The following PELP1 variants were observed in gnomAD, a reference collection of about 807,000 sequenced individuals.
PELP1 encodes proline-, glutamic acid- and leucine-rich protein 1.
PELP1 carries 32 observed loss-of-function variants against 95.5 expected under a neutral mutation model. The observed-to-expected ratio is 0.34, with a 90% CI of 0.25 to 0.45. The LOEUF (loss-of-function observed/expected upper bound fraction) is 0.45, where lower values mean the gene tolerates loss of function less well. PELP1 is among the 20% of genes least tolerant of loss of function. The pLI, the probability that PELP1 is intolerant of heterozygous loss-of-function variation, is 1.00. For synonymous variants in PELP1, 668 were observed against 600.1 expected (o/e 1.11, Z -1.65); for missense variants, 1,358 against 1,444.8 (o/e 0.94, Z 0.97).
At chr17:4,700,835 G>C (rs945396088) in intron 1 of PELP1, among the ~76,000 whole-genome samples, 1 of 151,226 alleles carries the variant, frequency 6.6e-6, no homozygotes, top group African/African-American at 2.4e-5. Context: ...TGAGGTGGAA[G>C]GATTACTTGA....
intron 5 of PELP1, among the ~76,000 whole-genome samples, chr17:4,678,512 T>G (rs1185922550): frequency 2.0e-5 from 3 of 152,208 alleles, no homozygotes; most frequent in Admixed American, 6.5e-5. Flanking sequence ...AACAGAAGTC[T>G]GCTTATGTGA....
chr17:4,676,882 G>A (rs908616443), intron 5 of PELP1, 70 bp from the exon 6 acceptor site: 24 of 1,176,580 alleles, frequency 2.0e-5, no homozygotes, highest in African/African-American at 1.1e-4. Flanking sequence ...CATCCCATCC[G>A]TTCCCAGCAG....
At chr17:4,688,288 C>T (rs938566936) in intron 3 of PELP1, among the ~76,000 whole-genome samples, 9 of 151,862 alleles carry the variant, frequency 5.9e-5, no homozygotes, top group African/African-American at 2.2e-4. Flanking sequence ...TGAGCCAAGT[C>T]TGTGCCACTG....
At chr17:4,691,631 G>C in intron 1 of PELP1, 189 bp from the exon 2 acceptor site, 1 of 597,602 alleles carries the variant, frequency 1.7e-6, no homozygotes, top group Non-Finnish European at 3.0e-6. Context: ...GCTGTTTCTC[G>C]GCCTTTCCTC....
intron 7 of PELP1, 69 bp from the exon 8 acceptor site, chr17:4,676,231 G>A (rs771284044): frequency 4.1e-5 from 66 of 1,593,516 alleles, no homozygotes; most frequent in Non-Finnish European, 5.1e-5. Flanking sequence ...TCTGGTGGAC[G>A]ACCTGCCTGT....
intron 3 of PELP1, among the ~76,000 whole-genome samples, chr17:4,690,414 A>G (rs185654653): frequency 4.4e-4 from 67 of 152,068 alleles, no homozygotes; most frequent in African/African-American, 9.2e-4. Flanking sequence ...GTTCCCCAAA[A>G]CTACTGAAAT....
intron 5 of PELP1, among the ~76,000 whole-genome samples, chr17:4,679,781 C>T (rs1912626181): frequency 6.6e-6 from 1 of 152,196 alleles, no homozygotes; most frequent in South Asian, 2.1e-4. Flanking sequence ...GCCCTGCCTA[C>T]CCAAAGATTC....
At position 4,676,576 on chromosome 17, in the gene PELP1, T is replaced by C; in HGVS notation, c.703-69A>G. On this transcript the variant is annotated intron_variant, in intron 6 of 16. Transcript: ENST00000572293. ...CCAGCCACAGAACCCCCAGCCCCAC[T>C]GACACCCAAAAGAGATGGAGATCAG... The C allele has an allele frequency of 6.4e-6, 10 of 1,572,748 alleles. No homozygotes were observed. The South Asian group carries it at 1.1e-4, about 18-fold the overall frequency.
intron 5 of PELP1, among the ~76,000 whole-genome samples, chr17:4,678,844 G>T (rs772766661): frequency 4.6e-5 from 7 of 152,066 alleles, no homozygotes; most frequent in Non-Finnish European, 8.8e-5. Flanking sequence ...GAGTATCCGG[G>T]GAATGTAACA....
chr17:4,700,761 CA>C (rs1312983642), intron 1 of PELP1, among the ~76,000 whole-genome samples: 2 of 150,822 alleles, frequency 1.3e-5, no homozygotes, highest in Admixed American at 1.3e-4. Flanking sequence ...CCCATGTCTA[CA>C]AAAAAAATTT....
chr17:4,703,641 C>T (rs1913639346), intron 1 of PELP1, among the ~76,000 whole-genome samples: 1 of 152,198 alleles, frequency 6.6e-6, no homozygotes, highest in Non-Finnish European at 1.5e-5. Context: ...GACCAATAGC[C>T]TAACAACAGA....
At chr17:4,702,929 G>C (rs917602782) in intron 1 of PELP1, among the ~76,000 whole-genome samples, 6 of 152,088 alleles carry the variant, frequency 3.9e-5, no homozygotes, top group Non-Finnish European at 8.8e-5. Context: ...AGCTAGAATG[G>C]GAGCAATGAG....
chr17:4,694,167 C>G (rs1004554475), intron 1 of PELP1, among the ~76,000 whole-genome samples: 2 of 152,038 alleles, frequency 1.3e-5, no homozygotes, highest in Admixed American at 1.3e-4. Context: ...AGGCAAATCT[C>G]TAAAGAAAAA....
At chr17:4,682,103 T>C (rs1223493585) in intron 5 of PELP1, among the ~76,000 whole-genome samples, 2 of 152,076 alleles carry the variant, frequency 1.3e-5, no homozygotes, top group Non-Finnish European at 2.9e-5. Context: ...AAGGCTACAG[T>C]GAGCCAAGTG....
At chr17:4,697,543 CAG>C (rs777362456) in intron 1 of PELP1, among the ~76,000 whole-genome samples, 4 of 152,074 alleles carry the variant, frequency 2.6e-5, no homozygotes, top group Non-Finnish European at 4.4e-5. Context: ...AACAAAAAGA[CAG>C]GGGAGAGATA....
chr17:4,696,360 C>T (rs1254208559), intron 1 of PELP1, among the ~76,000 whole-genome samples: 2 of 152,078 alleles, frequency 1.3e-5, no homozygotes, highest in African/African-American at 4.8e-5. Flanking sequence ...AGAGCGAAGA[C>T]TATGAGATGA....
intron 5 of PELP1, among the ~76,000 whole-genome samples, chr17:4,681,841 C>T (rs372352605): frequency 6.6e-6 from 1 of 151,074 alleles, no homozygotes; most frequent in Non-Finnish European, 1.5e-5. Context: ...ATTGGTTGAA[C>T]GTTAAAAATT....
chr17:4,672,642 G>A lies in PELP1; in HGVS notation c.2349C>T (p.Asp783=), dbSNP rs1250264626. The change falls in exon 16 of 17, where the codon GAC becomes GAT. Residue 783 remains aspartate (D), a synonymous_variant. Transcript: ENST00000572293. ...GCACGATCACCACGCTGTCATCAGA[G>A]TCACTTTCCAAGGAGATCTCCACAT... ...ASDVEISLES[D]SDDSVVIVPE... is the part of the protein sequence containing the mutation. The A allele has an allele frequency of 6.2e-7, 1 of 1,612,148 alleles. No individual in the cohort carries two copies. The highest frequency in any genetic ancestry group is 1.7e-5 in the Admixed American group (1 of 59,940).
chr17:4,674,501 C>T lies in PELP1; in HGVS notation c.1582+9G>A. 3 of 1,610,972 alleles carry T rather than the reference C, an allele frequency of 1.9e-6. No individual in the cohort carries two copies. Among genetic ancestry groups the T allele is most frequent in the Non-Finnish European group, 2.5e-6 (3 of 1,178,856 alleles). On this transcript the variant is annotated intron_variant, in intron 13 of 16. Coordinates refer to ENST00000572293, the MANE Select transcript of PELP1 (RefSeq NM_014389.3). ...AGCCCCAGTGGTCCAGGGCACAGGC[C>T]TCACCCACCTCTGAGTGCAGCCGCA...
Sources: gnomAD v4.1 joint callset for allele counts (sites outside exome capture counted in the v4.1 genomes callset) on GRCh38, gnomAD v4.1.1 for gene constraint, MANE v1.5 for transcripts, NCBI Gene and HGNC (gene_info 2026-07-23, HGNC 2026-07-21) for gene names.